The following SPIN1 variants were observed in gnomAD, a reference collection of about 807,000 sequenced individuals.
SPIN1 encodes spindlin 1.
A neutral mutation model predicts 26.0 loss-of-function variants in SPIN1; 3 were observed. The observed-to-expected ratio is 0.12, with a 90% CI of 0.05 to 0.30. SPIN1 has a LOEUF of 0.30. SPIN1 is among the 10% of genes least tolerant of loss of function. The probability of loss-of-function intolerance (pLI) is 1.00; values close to 1 mark genes in which losing one functional copy is unlikely to be tolerated. For synonymous variants in SPIN1, 101 were observed against 116.5 expected, an observed-to-expected ratio of 0.87 and a Z score of 0.86; for missense variants, 126 against 333.4, an observed-to-expected ratio of 0.38 and a Z score of 4.84.
chr9:88,420,152 G>C (rs983006597), intron 1 of SPIN1, among the ~76,000 whole-genome samples: 4 of 152,166 alleles, frequency 2.6e-5, no homozygotes, highest in African/African-American at 7.2e-5. Flanking sequence ...GAGGCGGGTG[G>C]ATCACCTGAG....
intron 3 of SPIN1, among the ~76,000 whole-genome samples, chr9:88,461,015 T>C (rs1417787085): frequency 6.6e-6 from 1 of 152,218 alleles, no homozygotes; most frequent in Non-Finnish European, 1.5e-5. Flanking sequence ...GTCTTTTTCC[T>C]CCTCAAGATA....
At position 88,476,849 on chromosome 9, in the gene SPIN1, A is replaced by G. The variant is rs926141996; in HGVS notation, c.*1572A>G. On this transcript the variant is annotated 3_prime_UTR_variant, in exon 6 of 6. Transcript: ENST00000375859. ...ATATTTGGGCAGAGCCTAAACGTGC[A>G]TGCTTGTCACTCAAACACCAGAAGT... The G allele has an allele frequency of 6.6e-6, 1 of 152,194 alleles. No individual in the cohort carries two copies. Among genetic ancestry groups the G allele is most frequent in the Non-Finnish European group, 1.5e-5 (1 of 68,028 alleles). 9.4% of individuals were successfully genotyped at this position (152,194 alleles called of 1,614,324 possible). A position where few individuals can be genotyped will look rare whatever the true frequency, so the allele number is the denominator to read the frequency against.
intron 1 of SPIN1, among the ~76,000 whole-genome samples, chr9:88,390,040 A>G (rs1448276076): frequency 1.3e-5 from 2 of 152,226 alleles, no homozygotes; most frequent in African/African-American, 4.8e-5. Flanking sequence ...AAGAATGTGT[A>G]TGCCAGAATT....
At chr9:88,420,305 G>A (rs1489607079) in intron 1 of SPIN1, among the ~76,000 whole-genome samples, 20 of 152,226 alleles carry the variant, frequency 1.3e-4, no homozygotes, top group Admixed American at 1.2e-3. Context: ...AACCTGGGAG[G>A]CGGAGGTTGC....
intron 1 of SPIN1, among the ~76,000 whole-genome samples, chr9:88,406,705 C>T (rs1296993315): frequency 1.3e-5 from 2 of 152,148 alleles, no homozygotes; most frequent in Non-Finnish European, 2.9e-5. Context: ...TAAGTACTTT[C>T]TGCCTATCAA....
chr9:88,424,589 CAAT>C (rs1210219230), intron 1 of SPIN1, among the ~76,000 whole-genome samples: 1 of 152,150 alleles, frequency 6.6e-6, no homozygotes, highest in Non-Finnish European at 1.5e-5. Context: ...ATTGGAAAAA[CAAT>C]AAAGCTGTAC....
At chr9:88,468,694 C>G in intron 5 of SPIN1, 89 bp downstream of exon 5, 3 of 816,236 alleles carry the variant, frequency 3.7e-6, no homozygotes, top group Non-Finnish European at 5.2e-6. Context: ...TTTGCAGATA[C>G]ATTTTTATTT....
intron 4 of SPIN1, among the ~76,000 whole-genome samples, chr9:88,467,622 G>T (rs895031216): frequency 6.6e-6 from 1 of 152,144 alleles, no homozygotes; most frequent in Non-Finnish European, 1.5e-5. Context: ...GGGCAGAGGC[G>T]TGAAGGCTTT....
chr9:88,459,422 A>G (rs1402865939), intron 3 of SPIN1, among the ~76,000 whole-genome samples: 3 of 152,126 alleles, frequency 2.0e-5, no homozygotes, highest in African/African-American at 7.2e-5. Context: ...TGAGTAGTAA[A>G]GTTACAGACT....
chr9:88,437,676 G>C (rs1002404855), intron 2 of SPIN1, among the ~76,000 whole-genome samples: 4 of 152,064 alleles, frequency 2.6e-5, no homozygotes, highest in African/African-American at 9.7e-5. Context: ...CTTCCAAAGC[G>C]GCTCTACCGT....
At chr9:88,415,048 T>A (rs1042980232) in intron 1 of SPIN1, among the ~76,000 whole-genome samples, 8 of 151,870 alleles carry the variant, frequency 5.3e-5, no homozygotes, top group African/African-American at 1.7e-4. Context: ...AGACTAAAGG[T>A]GCATGCCACC....
chr9:88,450,909 G>A (rs1294614959), intron 3 of SPIN1, among the ~76,000 whole-genome samples: 1 of 152,138 alleles, frequency 6.6e-6, no homozygotes, highest in East Asian at 1.9e-4. Context: ...AGGCTGCCTG[G>A]TGGGGACGCA....
intron 5 of SPIN1, among the ~76,000 whole-genome samples, chr9:88,469,064 G>A (rs1828725248): frequency 6.6e-6 from 1 of 152,190 alleles, no homozygotes; most frequent in East Asian, 1.9e-4. Context: ...GCGATCTTCA[G>A]CCTTTTTGTC....
chr9:88,416,267 C>CT (rs972405016), intron 1 of SPIN1, among the ~76,000 whole-genome samples: 2 of 152,128 alleles, frequency 1.3e-5, no homozygotes, highest in African/African-American at 4.8e-5. Flanking sequence ...GTCTTTTCCT[C>CT]TTTTTTGTTT....
At chr9:88,454,660 A>G (rs1828434153) in intron 3 of SPIN1, among the ~76,000 whole-genome samples, 1 of 152,242 alleles carries the variant, frequency 6.6e-6, no homozygotes, top group Non-Finnish European at 1.5e-5. Context: ...CCTAGCTTCA[A>G]TAATCTACAT....
chr9:88,420,071 C>T (rs1337403366), intron 1 of SPIN1, among the ~76,000 whole-genome samples: 1 of 152,160 alleles, frequency 6.6e-6, no homozygotes, highest in African/African-American at 2.4e-5. Flanking sequence ...GGATCACAGT[C>T]AAGTTTAAAA....
intron 3 of SPIN1, among the ~76,000 whole-genome samples, chr9:88,455,105 A>G (rs1039101301): frequency 6.6e-6 from 1 of 152,234 alleles, no homozygotes; most frequent in Admixed American, 6.5e-5. Context: ...AAAATATGCA[A>G]ATCTATTTTT....
intron 3 of SPIN1, among the ~76,000 whole-genome samples, chr9:88,458,480 T>G (rs779451264): frequency 6.6e-6 from 1 of 152,142 alleles, no homozygotes; most frequent in Non-Finnish European, 1.5e-5. Context: ...AGGTGTCTAG[T>G]ATGAAAACTG....
chr9:88,435,272 G>A (rs1827977449), intron 2 of SPIN1, among the ~76,000 whole-genome samples: 1 of 151,446 alleles, frequency 6.6e-6, no homozygotes, highest in South Asian at 2.1e-4. Context: ...CTGGAGAGCA[G>A]TGGCACGATC....
Sources: gnomAD v4.1 joint callset for allele counts (sites outside exome capture counted in the v4.1 genomes callset) on GRCh38, gnomAD v4.1.1 for gene constraint, MANE v1.5 for transcripts, NCBI Gene and HGNC (gene_info 2026-07-23, HGNC 2026-07-21) for gene names.